Variants in LRP1B observed in about 807,000 individuals in gnomAD.
The protein encoded by LRP1B is low-density lipoprotein receptor-related protein 1B.
LRP1B carries 217 observed loss-of-function variants against 556.6 expected under a neutral mutation model. The observed-to-expected ratio is 0.39, with a 90% CI of 0.35 to 0.44. LRP1B has a LOEUF of 0.44. Among genes scored for constraint, LRP1B ranks in the 20% least tolerant of loss-of-function variants. The pLI is 1.00. For synonymous variants in LRP1B, 2,047 were observed against 1,865.8 expected (o/e 1.10, Z -2.50); for missense variants, 5,053 against 5,620.8 (o/e 0.90, Z 3.23).
At chr2:140,550,650 G>C (rs1680514357) in intron 43 of LRP1B, among the ~76,000 whole-genome samples, 1 of 152,080 alleles carries the variant, frequency 6.6e-6, no homozygotes, top group Admixed American at 6.6e-5. Context: ...CTGGAGGCTT[G>C]GAAAACTAAT....
intron 3 of LRP1B, among the ~76,000 whole-genome samples, chr2:141,418,652 T>TA (rs1004780644): frequency 6.6e-6 from 1 of 152,116 alleles, no homozygotes; most frequent in African/African-American, 2.4e-5. Context: ...TAATGTGTTT[T>TA]AAAAAGAGGA....
At chr2:140,447,870 C>G (rs1472485131) in intron 63 of LRP1B, among the ~76,000 whole-genome samples, 1 of 151,832 alleles carries the variant, frequency 6.6e-6, no homozygotes, top group Non-Finnish European at 1.5e-5. Flanking sequence ...TATTGTTATG[C>G]TTAGGGAAAA....
intron 1 of LRP1B, among the ~76,000 whole-genome samples, chr2:141,822,875 ATACT>A (rs1421930551): frequency 6.6e-6 from 1 of 152,114 alleles, no homozygotes; most frequent in Non-Finnish European, 1.5e-5. Flanking sequence ...AAAAATAGAA[ATACT>A]TACAATAACG....
intron 33 of LRP1B, among the ~76,000 whole-genome samples, chr2:140,771,282 C>T (rs1050135263): frequency 6.6e-6 from 1 of 151,976 alleles, no homozygotes; most frequent in East Asian, 1.9e-4. Context: ...TTTTCATAGA[C>T]CTTTGTAATA....
chr2:140,979,340 A>T (rs75991795), intron 18 of LRP1B, among the ~76,000 whole-genome samples: 6,690 of 151,952 alleles, frequency 0.044, 175 homozygotes, highest in Middle Eastern at 0.071. Context: ...AAGTGGCATT[A>T]TTTTTTAAAA....
intron 29 of LRP1B, among the ~76,000 whole-genome samples, 182 bp downstream of exon 29, chr2:140,849,920 T>G (rs181664979): frequency 1.4e-5 from 2 of 147,640 alleles, no homozygotes; most frequent in East Asian, 3.9e-4. Context: ...GTCTGCTCTG[T>G]GCAATTTAAT....
chr2:141,907,401 T>C (rs371912366), intron 1 of LRP1B, among the ~76,000 whole-genome samples: 54 of 152,122 alleles, frequency 3.5e-4, no homozygotes, highest in African/African-American at 1.2e-3. Context: ...TTTTTAAAAG[T>C]CAGTACAGTC....
chr2:141,020,668 A>C (rs1333685801), intron 11 of LRP1B, among the ~76,000 whole-genome samples: 1 of 152,042 alleles, frequency 6.6e-6, no homozygotes, highest in Non-Finnish European at 1.5e-5. Context: ...AGGAATCGCC[A>C]AAATACTTCT....
chr2:141,928,803 G>A (rs1241190313), intron 1 of LRP1B, among the ~76,000 whole-genome samples: 1 of 152,142 alleles, frequency 6.6e-6, no homozygotes, highest in Non-Finnish European at 1.5e-5. Context: ...AGATCACTGT[G>A]ACAAGTAAGT....
At chr2:142,005,748 A>C (rs1451769625) in intron 1 of LRP1B, among the ~76,000 whole-genome samples, 1 of 152,130 alleles carries the variant, frequency 6.6e-6, no homozygotes, top group Non-Finnish European at 1.5e-5. Context: ...TGAAAAGCCT[A>C]ATCTTATTTC....
chr2:141,338,235 G>A lies in LRP1B; in HGVS notation c.344-83594C>T, dbSNP rs116164618. 2.3e-3 allele frequency among the ~76,000 whole-genome samples: 346 copies of A among 152,184 alleles called. 3 individuals carry two copies. Among genetic ancestry groups the A allele is most frequent in the African/African-American group, 7.8e-3 (324 of 41,524 alleles). ...GTCCCTCAGAGTTTTGGTTTCTGTG[G>A]GACCCCATTACCACTGAAGCCACTG... On this transcript the variant is annotated intron_variant, in intron 3 of 90. Transcript: ENST00000389484.
At chr2:141,402,460 C>A (rs1421030383) in intron 3 of LRP1B, among the ~76,000 whole-genome samples, 2 of 151,852 alleles carry the variant, frequency 1.3e-5, no homozygotes, top group South Asian at 2.1e-4. Flanking sequence ...ACCAGTCAAC[C>A]AAAAAGTATT....
intron 31 of LRP1B, among the ~76,000 whole-genome samples, chr2:140,838,731 T>A (rs1463183056): frequency 2.0e-5 from 3 of 152,116 alleles, no homozygotes; most frequent in Non-Finnish European, 2.9e-5. Context: ...TTTATGATAA[T>A]AATATCAAAA....
At chr2:141,180,299 C>A (rs772036322) in intron 7 of LRP1B, among the ~76,000 whole-genome samples, 1 of 149,880 alleles carries the variant, frequency 6.7e-6, no homozygotes, top group Non-Finnish European at 1.5e-5. Context: ...ACAGTCCTTT[C>A]AAATACAGGA....
At chr2:140,437,443 ATC>A (rs1227289844) in intron 66 of LRP1B, among the ~76,000 whole-genome samples, 2 of 152,206 alleles carry the variant, frequency 1.3e-5, no homozygotes, top group African/African-American at 4.8e-5. Context: ...TGTTCAGATA[ATC>A]TGTTTGCTAG....
chr2:141,602,308 C>T (rs979996943), intron 2 of LRP1B, among the ~76,000 whole-genome samples: 2 of 152,030 alleles, frequency 1.3e-5, no homozygotes, highest in South Asian at 2.1e-4. Context: ...AATATGTTTT[C>T]GGGGTATTGA....
chr2:141,975,572 A>T (rs921991140), intron 1 of LRP1B, among the ~76,000 whole-genome samples: 4 of 152,000 alleles, frequency 2.6e-5, no homozygotes, highest in African/African-American at 9.7e-5. Context: ...TGGCTTAAGG[A>T]CCCTTCAGCT....
intron 54 of LRP1B, among the ~76,000 whole-genome samples, 172 bp from the exon 55 acceptor site, chr2:140,502,046 C>G (rs1050688336): frequency 6.6e-6 from 1 of 151,872 alleles, no homozygotes; most frequent in South Asian, 2.1e-4. Context: ...GTTCAGAAAA[C>G]CAAGGGCAAA....
At chr2:140,952,796 C>T (rs893804291) in intron 18 of LRP1B, among the ~76,000 whole-genome samples, 7 of 152,058 alleles carry the variant, frequency 4.6e-5, no homozygotes, top group Admixed American at 2.0e-4. Context: ...AATTGCTGAA[C>T]ACTTTATCCA....
Sources: allele counts gnomAD v4.1 joint callset (sites outside exome capture counted in the v4.1 genomes callset), GRCh38; gene constraint gnomAD v4.1.1; transcripts MANE v1.5; gene names NCBI Gene and HGNC (gene_info 2026-07-23, HGNC 2026-07-21).